Variants in ZNF592 observed in about 807,000 individuals in gnomAD.
ZNF592 encodes zinc finger protein 592.
In ZNF592, 11 loss-of-function variants were observed where a neutral mutation model predicts 80.3. That is an observed-to-expected ratio of 0.14 (90% CI 0.09 to 0.23). The LOEUF is 0.23. Ranked by LOEUF, ZNF592 falls within the 10% of genes least tolerant of loss-of-function variation. The pLI is 1.00. For synonymous variants in ZNF592, 646 were observed against 640.3 expected (o/e 1.01, Z -0.13); for missense variants, 1,420 against 1,633.9 (o/e 0.87, Z 2.26).
rs1253578214 is a variant in ZNF592 at position 84,753,979 on chromosome 15, ATTAC to A, written c.-259+5318_-259+5321del. ...TGTAGGATGTGTTATCCATTAGCTA[ATTAC>A]TTTTGGGAAATGTTTTCAGAGGATC... On this transcript the variant is annotated intron_variant, in intron 1 of 10. Coordinates refer to ENST00000560079, the MANE Select transcript of ZNF592 (RefSeq NM_014630.3). Among the ~76,000 whole-genome samples, 8 of 152,200 alleles carry A rather than the reference ATTAC, an allele frequency of 5.3e-5. No individual in the cohort carries two copies. The East Asian group carries it at 1.4e-3, about 26-fold the overall frequency.
At chr15:84,801,711 A>T in intron 10 of ZNF592, 152 bp from the exon 11 acceptor site, 3 of 1,107,356 alleles carry the variant, frequency 2.7e-6, no homozygotes, top group South Asian at 2.9e-5. Flanking sequence ...CAAAACAAAG[A>T]ATTGAAACAA....
chr15:84,756,607 G>A (rs1457303436), intron 1 of ZNF592, among the ~76,000 whole-genome samples: 1 of 152,146 alleles, frequency 6.6e-6, no homozygotes, highest in East Asian at 1.9e-4. Flanking sequence ...TGGTCTATGT[G>A]GCTGGGCTGC....
chr15:84,773,742 G>GAA (rs61113995), intron 2 of ZNF592, among the ~76,000 whole-genome samples: 17 of 144,700 alleles, frequency 1.2e-4, no homozygotes, highest in African/African-American at 3.8e-4. Context: ...CATCTCTCCA[G>GAA]AAAAAAAAAA....
At chr15:84,764,406 G>A (rs1899438782) in intron 1 of ZNF592, among the ~76,000 whole-genome samples, 1 of 152,166 alleles carries the variant, frequency 6.6e-6, no homozygotes, top group Admixed American at 6.6e-5. Context: ...AACAGACAGA[G>A]ATGAAGAATC....
At chr15:84,763,550 G>T (rs1224260350) in intron 1 of ZNF592, among the ~76,000 whole-genome samples, 1 of 152,144 alleles carries the variant, frequency 6.6e-6, no homozygotes, top group African/African-American at 2.4e-5. Context: ...GTGTCTGCTT[G>T]TTAGTTTATG....
intron 4 of ZNF592, among the ~76,000 whole-genome samples, chr15:84,785,962 A>G (rs1450186494): frequency 6.6e-6 from 1 of 152,078 alleles, no homozygotes; most frequent in South Asian, 2.1e-4. Context: ...AGAGGCCTCC[A>G]GAAGGTGGTT....
intron 1 of ZNF592, among the ~76,000 whole-genome samples, chr15:84,748,980 C>CG (rs1430969088): frequency 6.6e-6 from 1 of 152,026 alleles, no homozygotes; most frequent in African/African-American, 2.4e-5. Context: ...GACGTGCGGC[C>CG]GCCCTCGGCG....
At chr15:84,773,503 G>GC (rs1277475635) in intron 2 of ZNF592, among the ~76,000 whole-genome samples, 1 of 151,866 alleles carries the variant, frequency 6.6e-6, no homozygotes, top group Non-Finnish European at 1.5e-5. Context: ...GAGCCATCGC[G>GC]CCCGGCCCCC....
chr15:84,767,223 C>T (rs1899554857), intron 2 of ZNF592, among the ~76,000 whole-genome samples: 1 of 152,060 alleles, frequency 6.6e-6, no homozygotes, highest in Admixed American at 6.6e-5. Context: ...TTTTTAGTTT[C>T]ACCATGTTGC....
chr15:84,791,773 C>T (rs577717356), intron 5 of ZNF592, among the ~76,000 whole-genome samples: 1 of 152,082 alleles, frequency 6.6e-6, no homozygotes, highest in East Asian at 1.9e-4. Context: ...GATTTTCAGA[C>T]AAAAGAAGGG....
In ZNF592 at chr15:84,782,775, A is replaced by G; in HGVS notation, c.100A>G (p.Ser34Gly). ...TGCCAAGGAGGCCATCCAGACACCCAGTGAGGAGAATGAGAGTCCCCTCAA... is the reference window on the plus strand; with the variant it reads ...TGCCAAGGAGGCCATCCAGACACCCGGTGAGGAGAATGAGAGTCCCCTCAA... ...LDAKEAIQTPSEENESPLKPP... is the reference protein window; with the variant it reads ...LDAKEAIQTPGEENESPLKPP... Residue 34 changes from serine to glycine, a missense_variant, in exon 4 of 11, where the codon AGT (serine) becomes GGT (glycine). Ser to Gly is a moderately conservative substitution (Grantham distance 56). Transcript: ENST00000560079. The G allele has an allele frequency of 6.2e-7, 1 of 1,614,162 alleles. No homozygotes were observed. The highest frequency in any genetic ancestry group is 8.5e-7 in the Non-Finnish European group (1 of 1,180,028).
chr15:84,795,902 A>G (rs1475491952), intron 5 of ZNF592, among the ~76,000 whole-genome samples: 1 of 152,068 alleles, frequency 6.6e-6, no homozygotes, highest in Non-Finnish European at 1.5e-5. Context: ...CACACAAGGA[A>G]GAAAAAAGAT....
At chr15:84,750,426 C>T (rs1898981648) in intron 1 of ZNF592, among the ~76,000 whole-genome samples, 1 of 152,026 alleles carries the variant, frequency 6.6e-6, no homozygotes, top group Admixed American at 6.6e-5. Flanking sequence ...TGGTGCTTTC[C>T]TGGGAGTGGG....
intron 2 of ZNF592, among the ~76,000 whole-genome samples, 194 bp from the exon 3 acceptor site, chr15:84,777,989 T>C (rs62019469): frequency 0.2 from 30,688 of 152,070 alleles, 3,814 homozygotes; most frequent in Middle Eastern, 0.37. Flanking sequence ...TGAGCCACCG[T>C]GCCCGGCCTA....
chr15:84,765,015 A>G (rs1044588406), intron 2 of ZNF592, among the ~76,000 whole-genome samples, 200 bp downstream of exon 2: 4 of 152,056 alleles, frequency 2.6e-5, no homozygotes, highest in African/African-American at 9.7e-5. Context: ...ACCACTGTCC[A>G]TCTCCAGAAC....
chr15:84,780,714 G>T (rs930089173), intron 3 of ZNF592, among the ~76,000 whole-genome samples: 1 of 152,198 alleles, frequency 6.6e-6, no homozygotes, highest in Non-Finnish European at 1.5e-5. Flanking sequence ...ATCCCACGGG[G>T]TGGTAAGAGA....
At chr15:84,775,269 T>C (rs954605596) in intron 2 of ZNF592, among the ~76,000 whole-genome samples, 1 of 152,030 alleles carries the variant, frequency 6.6e-6, no homozygotes, top group African/African-American at 2.4e-5. Context: ...CTAATTTTTG[T>C]ATTTTTGGTA....
chr15:84,798,452 C>T lies in ZNF592; in HGVS notation c.2714C>T (p.Pro905Leu), dbSNP rs542990530. 1.4e-5 allele frequency: 22 copies of T among 1,613,992 alleles called. No homozygotes were observed. Among genetic ancestry groups the T allele is most frequent in the African/African-American group, 2.7e-5 (2 of 75,030 alleles). The change falls in exon 7 of 11, where the codon CCG (proline) becomes CTG (leucine). Residue 905 changes from proline to leucine, a missense_variant. Physicochemically the swap from Pro to Leu is moderately conservative, Grantham distance 98 (BLOSUM62 -3). Transcript: ENST00000560079. The surrounding 1 kb of genome is among the most constrained non-coding windows in gnomAD (Gnocchi z 4.5). Reference sequence around the variant, plus strand: ...TGCCCACTCTTGTTCGTGCAGAAGCCGGAGTTGATGCAACACGTCAAGGTG... The same window carrying T: ...TGCCCACTCTTGTTCGTGCAGAAGCTGGAGTTGATGCAACACGTCAAGGTG... Reference protein sequence around the residue: ...PECPLLFVQKPELMQHVKSTH... With the variant: ...PECPLLFVQKLELMQHVKSTH...
chr15:84,779,508 T>A (rs527915067), intron 3 of ZNF592, among the ~76,000 whole-genome samples: 1 of 152,144 alleles, frequency 6.6e-6, no homozygotes, highest in East Asian at 1.9e-4. Context: ...TTATTATTAT[T>A]ATTAATGTTT....
Sources: allele counts gnomAD v4.1 joint callset (sites outside exome capture counted in the v4.1 genomes callset), GRCh38; gene constraint gnomAD v4.1.1; non-coding constraint Gnocchi (gnomAD v3.1); transcripts MANE v1.5; gene names NCBI Gene and HGNC (gene_info 2026-07-23, HGNC 2026-07-21).